Variants in UBE2D3 observed in about 807,000 individuals in gnomAD.
The protein encoded by UBE2D3 is ubiquitin conjugating enzyme E2 D3, also known as ubiquitin-conjugating enzyme E2 D3.
In UBE2D3, 2 loss-of-function variants were observed where a neutral mutation model predicts 22.8. The observed-to-expected ratio is 0.09, with a 90% CI of 0.04 to 0.28. The LOEUF (loss-of-function observed/expected upper bound fraction) is 0.28, where lower values mean the gene tolerates loss of function less well. Among genes scored for constraint, UBE2D3 ranks in the 10% least tolerant of loss-of-function variants. The pLI is 1.00. For missense variants in UBE2D3, 27 were observed against 182.5 expected (o/e 0.15, Z 4.91); for synonymous variants, 56 against 60.4 (o/e 0.93, Z 0.34).
chr4:102,823,130 T>G (rs951349144), intron 2 of UBE2D3, among the ~76,000 whole-genome samples: 1 of 152,176 alleles, frequency 6.6e-6, no homozygotes, highest in Non-Finnish European at 1.5e-5. Flanking sequence ...AGGGTTTAGA[T>G]GAGACTGCAT....
At chr4:102,802,443 A>G in intron 5 of UBE2D3, 118 bp downstream of exon 5, 1 of 726,188 alleles carries the variant, frequency 1.4e-6, no homozygotes, top group Non-Finnish European at 2.2e-6. Flanking sequence ...GCATCTATAC[A>G]TGAGTGCAAT....
At position 102,826,480 on chromosome 4, in the gene UBE2D3, G is replaced by T. The variant is rs769649460; in HGVS notation, c.24+5C>A. On this transcript the variant is annotated splice_donor_5th_base_variant and intron_variant, in intron 2 of 7. Transcript: ENST00000453744. ...CCACCCCATGCCCTTGTCCCCGCGG[G>T]TTACCTTATTAATCCGTTTCAGCGC... The T allele has an allele frequency of 1.2e-6, 2 of 1,613,256 alleles. No homozygotes were observed. Among genetic ancestry groups the T allele is most frequent in the African/African-American group, 2.7e-5 (2 of 74,704 alleles).
chr4:102,851,032 A>C (rs1732315813), intron 1 of UBE2D3, among the ~76,000 whole-genome samples: 1 of 152,206 alleles, frequency 6.6e-6, no homozygotes, highest in Non-Finnish European at 1.5e-5. Flanking sequence ...ATCATCACTA[A>C]AGAACTTATC....
At chr4:102,831,680 G>C (rs78704660), upstream of UBE2D3, among the ~76,000 whole-genome samples, 1,833 of 152,284 alleles carry the variant, frequency 0.012, 38 homozygotes, top group African/African-American at 0.042. Context: ...GTTTGATTCT[G>C]TTTATGTGAA....
intron 2 of UBE2D3, among the ~76,000 whole-genome samples, chr4:102,821,597 A>G (rs1417673595): frequency 8.6e-6 from 1 of 116,736 alleles, no homozygotes; most frequent in Non-Finnish European, 1.7e-5. Flanking sequence ...TAAGACCCCC[A>G]TGCAGCTGTA....
At chr4:102,810,278 ACT>A (rs1351812843) in intron 2 of UBE2D3, 3 of 152,608 alleles carry the variant, frequency 2.0e-5, no homozygotes, top group African/African-American at 7.4e-5. Flanking sequence ...CAATCCACTA[ACT>A]CTATTTTCTA....
At chr4:102,819,621 C>A (rs948545320) in intron 2 of UBE2D3, 13 of 985,206 alleles carry the variant, frequency 1.3e-5, no homozygotes, top group African/African-American at 1.7e-5. Flanking sequence ...TTTCATCCCC[C>A]CAAGGCTTGT....
Position 102,794,731 on chromosome 4 carries a change from C to CTT in UBE2D3, c.*2682_*2683dup, listed in dbSNP as rs1236979596. 6.6e-6 allele frequency: 1 copy of CTT among 151,766 alleles called. No homozygotes were observed. 9.4% of individuals were successfully genotyped at this position (151,766 alleles called of 1,614,324 possible). On this transcript the variant is annotated 3_prime_UTR_variant, in exon 8 of 8. Coordinates refer to ENST00000453744, the MANE Select transcript of UBE2D3 (RefSeq NM_181891.3). ...GACCACTAGTTAACTGTGGTTCATA[C>CTT]TTTAAAATGTGAGTACACCCACACA...
At position 102,803,030 on chromosome 4, in the gene UBE2D3, AAC is replaced by A. The variant is rs1335826225; in HGVS notation, c.121-394_121-393del. ...GCCAGATGTGTACAAATGGCTTCAC[AAC>A]AGTCCATTCTGCCCACTGGCAAACC... On this transcript the variant is annotated intron_variant, in intron 4 of 7. Transcript: ENST00000453744. Among the ~76,000 whole-genome samples the A allele has an allele frequency of 4.6e-5, 7 of 152,220 alleles. No individual in the cohort carries two copies. The East Asian group carries it at 9.6e-4, about 21-fold the overall frequency.
intron 1 of UBE2D3, among the ~76,000 whole-genome samples, chr4:102,853,481 G>T (rs1208449759): frequency 6.6e-6 from 1 of 151,984 alleles, no homozygotes; most frequent in Non-Finnish European, 1.5e-5. Context: ...TCATGTAGTG[G>T]AATACTAAGC....
At chr4:102,836,622 T>C (rs968620979) in intron 1 of UBE2D3, among the ~76,000 whole-genome samples, 2 of 152,242 alleles carry the variant, frequency 1.3e-5, no homozygotes, top group Admixed American at 1.3e-4. Flanking sequence ...CAAGTGTTTT[T>C]TACCACTTTA....
chr4:102,800,101 A>G (rs1382236458), intron 6 of UBE2D3, among the ~76,000 whole-genome samples: 2 of 152,082 alleles, frequency 1.3e-5, no homozygotes, highest in African/African-American at 4.8e-5. Flanking sequence ...ACTGATGTAT[A>G]AGATGTCAAG....
At chr4:102,821,626 A>G (rs1347317426) in intron 2 of UBE2D3, among the ~76,000 whole-genome samples, 1 of 152,138 alleles carries the variant, frequency 6.6e-6, no homozygotes, top group Non-Finnish European at 1.5e-5. Flanking sequence ...TTTAAATTCT[A>G]AACAATCTGA....
intron 1 of UBE2D3, among the ~76,000 whole-genome samples, chr4:102,854,913 C>T (rs1732554271): frequency 6.6e-6 from 1 of 152,140 alleles, no homozygotes; most frequent in African/African-American, 2.4e-5. Context: ...ACAATCAGTG[C>T]CAAACTACTG....
upstream of UBE2D3, among the ~76,000 whole-genome samples, chr4:102,832,010 G>C (rs1731141578): frequency 6.6e-6 from 1 of 152,188 alleles, no homozygotes; most frequent in Admixed American, 6.5e-5. Flanking sequence ...CTATAAGAAA[G>C]TCTCTTGAGG....
intron 1 of UBE2D3, among the ~76,000 whole-genome samples, chr4:102,833,143 TG>T (rs1359862676): frequency 1.6e-5 from 2 of 126,966 alleles, no homozygotes; most frequent in South Asian, 2.5e-4. Context: ...ATGTGCTACA[TG>T]TTTTTTTTTT....
In UBE2D3 at chr4:102,860,950, C is replaced by G. The variant is rs1350358680; in HGVS notation, c.-129+7765G>C. Reference sequence around the variant, plus strand: ...GCAAGCCAGTTAGGAGACTCCACATCTAGCTCTGAAGAATCATGTGTTGGT... The same window carrying G: ...GCAAGCCAGTTAGGAGACTCCACATGTAGCTCTGAAGAATCATGTGTTGGT... On this transcript the variant is annotated intron_variant, in intron 1 of 7. Transcript: ENST00000338145. Among the ~76,000 whole-genome samples the G allele has an allele frequency of 2.0e-5, 3 of 152,054 alleles. No homozygotes were observed. In the South Asian group the frequency reaches 6.2e-4, roughly 32 times the overall value.
intron 1 of UBE2D3, among the ~76,000 whole-genome samples, chr4:102,850,726 T>C (rs1732298965): frequency 6.6e-6 from 1 of 152,182 alleles, no homozygotes; most frequent in Non-Finnish European, 1.5e-5. Context: ...TATATAGCTT[T>C]TATACCACGG....
In UBE2D3 at chr4:102,797,382, TA is replaced by T. The variant is rs1482405093; in HGVS notation, c.*32del. 2.6e-6 allele frequency: 4 copies of T among 1,562,694 alleles called. No individual in the cohort carries two copies. Among genetic ancestry groups the T allele is most frequent in the Admixed American group, 3.7e-5 (2 of 54,682 alleles). Reference sequence around the variant, plus strand: ...ACAGTAATTTAAAGTTTATTCCAGCTATAATGCAGGTTATTCTGACTTTAAG... The same window carrying T: ...ACAGTAATTTAAAGTTTATTCCAGCTTAATGCAGGTTATTCTGACTTTAAG... On this transcript the variant is annotated 3_prime_UTR_variant, in exon 8 of 8. Coordinates refer to ENST00000453744, the MANE Select transcript of UBE2D3 (RefSeq NM_181891.3).
Sources: allele counts gnomAD v4.1 joint callset (sites outside exome capture counted in the v4.1 genomes callset), GRCh38; gene constraint gnomAD v4.1.1; transcripts MANE v1.5; gene names NCBI Gene and HGNC (gene_info 2026-07-23, HGNC 2026-07-21).